The following KCNIP4 variants were observed in gnomAD, a reference collection of about 807,000 sequenced individuals.
KCNIP4 encodes Kv channel-interacting protein 4.
Under a neutral mutation model 34.0 loss-of-function variants are expected in KCNIP4, and 12 were observed. That is an observed-to-expected ratio of 0.35 (90% CI 0.23 to 0.57). KCNIP4 has a LOEUF of 0.57. Ranked by LOEUF, KCNIP4 falls within the 20% of genes least tolerant of loss-of-function variation. The pLI is 0.83. For synonymous variants in KCNIP4, 124 were observed against 102.2 expected (o/e 1.21, Z -1.29); for missense variants, 238 against 311.7 (o/e 0.76, Z 1.78).
chr4:20,910,851 T>C (rs985333427), intron 1 of KCNIP4, among the ~76,000 whole-genome samples: 1 of 152,178 alleles, frequency 6.6e-6, no homozygotes, highest in Non-Finnish European at 1.5e-5. Flanking sequence ...TTATGCCCCT[T>C]TGAGTGTGAC....
At chr4:21,412,553 T>C (rs1454706389) in intron 1 of KCNIP4, among the ~76,000 whole-genome samples, 1 of 152,214 alleles carries the variant, frequency 6.6e-6, no homozygotes, top group Non-Finnish European at 1.5e-5. Flanking sequence ...CTGCTGTGAA[T>C]TTCTTCATAC....
At chr4:21,877,261 G>A (rs1044076524) in intron 1 of KCNIP4, among the ~76,000 whole-genome samples, 1 of 152,218 alleles carries the variant, frequency 6.6e-6, no homozygotes, top group Non-Finnish European at 1.5e-5. Flanking sequence ...GCTGAGGCAG[G>A]AGAATTGCTT....
chr4:21,474,947 GC>G (rs1455381003), intron 1 of KCNIP4, among the ~76,000 whole-genome samples: 1 of 146,778 alleles, frequency 6.8e-6, no homozygotes, highest in Non-Finnish European at 1.5e-5. Flanking sequence ...GTTGCAGTGA[GC>G]CGAGACTGCA....
intron 1 of KCNIP4, among the ~76,000 whole-genome samples, chr4:20,908,757 G>C (rs1325694934): frequency 5.3e-5 from 8 of 152,150 alleles, no homozygotes; most frequent in African/African-American, 1.9e-4. Context: ...AGAGTTGCAT[G>C]GCTTGGGCAC....
intron 1 of KCNIP4, among the ~76,000 whole-genome samples, chr4:21,605,716 G>C (rs560140935): frequency 1.4e-4 from 21 of 152,226 alleles, no homozygotes; most frequent in African/African-American, 5.1e-4. Context: ...CCTGACCTCA[G>C]GTGATCGCCT....
intron 1 of KCNIP4, among the ~76,000 whole-genome samples, chr4:21,636,185 C>T (rs1043851683): frequency 2.0e-4 from 30 of 149,968 alleles, no homozygotes; most frequent in Middle Eastern, 3.4e-3. Context: ...ATATACCTAA[C>T]GCTAGATGAC....
chr4:20,944,096 A>G (rs1205601722), intron 1 of KCNIP4, among the ~76,000 whole-genome samples: 1 of 152,336 alleles, frequency 6.6e-6, no homozygotes, highest in South Asian at 2.1e-4. Flanking sequence ...TTGGGTGATT[A>G]TGATCAAAAG....
At chr4:20,986,501 C>T (rs1212373674) in intron 1 of KCNIP4, among the ~76,000 whole-genome samples, 1 of 152,060 alleles carries the variant, frequency 6.6e-6, no homozygotes, top group Non-Finnish European at 1.5e-5. Context: ...AAAAAAATTA[C>T]AGAAATTAAT....
intron 1 of KCNIP4, among the ~76,000 whole-genome samples, chr4:21,856,799 G>C (rs1724789346): frequency 1.3e-5 from 2 of 152,120 alleles, no homozygotes; most frequent in African/African-American, 4.8e-5. Context: ...CCCACTCCAA[G>C]CGCCCACTCC....
intron 2 of KCNIP4, among the ~76,000 whole-genome samples, chr4:20,864,540 G>A (rs913608533): frequency 6.6e-6 from 1 of 151,954 alleles, no homozygotes; most frequent in Non-Finnish European, 1.5e-5. Flanking sequence ...GTCAGGGAAT[G>A]GAGTCTGGGA....
At chr4:21,744,794 T>C (rs899053623) in intron 1 of KCNIP4, among the ~76,000 whole-genome samples, 14 of 152,190 alleles carry the variant, frequency 9.2e-5, no homozygotes, top group African/African-American at 3.4e-4. Flanking sequence ...CAACATACCT[T>C]GTAAGTCAAT....
intron 1 of KCNIP4, among the ~76,000 whole-genome samples, chr4:21,214,829 T>G (rs529347705): frequency 2.0e-5 from 3 of 152,310 alleles, no homozygotes; most frequent in East Asian, 1.9e-4. Context: ...GGGAGAGACA[T>G]GCAGGAGGTA....
chr4:20,866,344 T>G (rs1351758479), intron 2 of KCNIP4, among the ~76,000 whole-genome samples: 1 of 152,122 alleles, frequency 6.6e-6, no homozygotes, highest in Non-Finnish European at 1.5e-5. Flanking sequence ...GATGAAAGGT[T>G]GGTTCAACAT....
intron 1 of KCNIP4, among the ~76,000 whole-genome samples, chr4:21,757,345 A>G (rs1286052430): frequency 1.3e-5 from 2 of 152,168 alleles, no homozygotes; most frequent in African/African-American, 4.8e-5. Context: ...CATTCAGGAT[A>G]CCTCTTTGTG....
At position 21,107,070 on chromosome 4, in the gene KCNIP4, T is replaced by A. The variant is rs1748617144; in HGVS notation, c.62-224361A>T. 2.0e-5 allele frequency among the ~76,000 whole-genome samples: 3 copies of A among 147,500 alleles called. No homozygotes were observed. The South Asian group carries it at 6.4e-4, about 31-fold the overall frequency. On this transcript the variant is annotated intron_variant, in intron 1 of 8. Transcript: ENST00000382152. ...GGTGTGGTGCTGAAAAAAATGTATA[T>A]TCTGTTGATTTGGGGTGGAGAGTTC... is the stretch of plus-strand genomic sequence containing the variant.
chr4:21,343,354 A>T (rs907163796), intron 1 of KCNIP4, among the ~76,000 whole-genome samples: 2 of 152,124 alleles, frequency 1.3e-5, no homozygotes, highest in African/African-American at 2.4e-5. Flanking sequence ...GAAAAAAAAT[A>T]AGAAAAAGTG....
intron 3 of KCNIP4, among the ~76,000 whole-genome samples, chr4:20,817,236 TC>T (rs1437888083): frequency 6.6e-6 from 1 of 152,188 alleles, no homozygotes; most frequent in Non-Finnish European, 1.5e-5. Context: ...CCATTTTACC[TC>T]CATAGGAAGT....
intron 1 of KCNIP4, among the ~76,000 whole-genome samples, chr4:21,556,644 G>C (rs923998108): frequency 2.6e-5 from 4 of 152,026 alleles, no homozygotes; most frequent in Admixed American, 2.6e-4. Flanking sequence ...TCAGAGGCCA[G>C]GCATTGTGGC....
At chr4:20,919,413 A>AAG (rs1729162079) in intron 1 of KCNIP4, among the ~76,000 whole-genome samples, 1 of 150,206 alleles carries the variant, frequency 6.7e-6, no homozygotes, top group Non-Finnish European at 1.5e-5. Context: ...ACATTAAAAA[A>AAG]AAAAGATAGA....
Sources: gnomAD v4.1 joint callset for allele counts (sites outside exome capture counted in the v4.1 genomes callset) on GRCh38, gnomAD v4.1.1 for gene constraint, MANE v1.5 for transcripts, NCBI Gene and HGNC (gene_info 2026-07-23, HGNC 2026-07-21) for gene names.